NAV2: variants seen among roughly 807,000 people sequenced by gnomAD.
The protein encoded by NAV2 is helicase, APC down-regulated 1.
NAV2 carries 54 observed loss-of-function variants against 223.2 expected under a neutral mutation model. The observed-to-expected ratio is 0.24, with a 90% CI of 0.19 to 0.30. The LOEUF is 0.30. Among genes scored for constraint, NAV2 ranks in the 10% least tolerant of loss-of-function variants. The pLI is 1.00. For synonymous variants in NAV2, 1,279 were observed against 1,239.3 expected (o/e 1.03, Z -0.67); for missense variants, 2,806 against 3,147.5 (o/e 0.89, Z 2.60).
chr11:19,440,162 G>A (rs577968517), intron 1 of NAV2, among the ~76,000 whole-genome samples: 1 of 152,332 alleles, frequency 6.6e-6, no homozygotes, highest in African/African-American at 2.4e-5. Flanking sequence ...TGGTATACCA[G>A]ATGGACGTGG....
chr11:19,395,691 C>T (rs1452250648), intron 1 of NAV2, among the ~76,000 whole-genome samples: 1 of 152,194 alleles, frequency 6.6e-6, no homozygotes, highest in African/African-American at 2.4e-5. Flanking sequence ...GCAAACCAAG[C>T]ACACTGATGG....
intron 1 of NAV2, among the ~76,000 whole-genome samples, chr11:19,612,116 G>C (rs1457555545): frequency 6.6e-6 from 1 of 152,210 alleles, no homozygotes; most frequent in African/African-American, 2.4e-5. Context: ...CTGAAGCCAT[G>C]GCCCAAGCTC....
intron 35 of NAV2, among the ~76,000 whole-genome samples, chr11:20,106,142 T>G: frequency 2.8e-5 from 1 of 36,042 alleles, no homozygotes; most frequent in East Asian, 1.7e-3. Context: ...TCCTTGTTCA[T>G]ATGTGTGTGT....
Position 20,009,333 on chromosome 11 carries a change from G to C in NAV2, c.2768+25086G>C, listed in dbSNP as rs143850753. Among the ~76,000 whole-genome samples, 578 of 152,242 alleles carry C rather than the reference G, an allele frequency of 3.8e-3. 3 individuals are homozygous for C. Among genetic ancestry groups the C allele is most frequent in the African/African-American group, 0.013 (555 of 41,540 alleles). ...TTCAGTTTACTAGATAACCAACCCT[G>C]TATAAAATTTGAGATTTGATTATCC... On this transcript the variant is annotated intron_variant, in intron 11 of 37. Coordinates refer to ENST00000349880, the MANE Select transcript of NAV2 (RefSeq NM_145117.5).
At chr11:19,468,984 T>G (rs1311889864) in intron 1 of NAV2, among the ~76,000 whole-genome samples, 1 of 152,170 alleles carries the variant, frequency 6.6e-6, no homozygotes, top group African/African-American at 2.4e-5. Flanking sequence ...ACTCATAGGA[T>G]TATCATGAGT....
chr11:19,489,652 C>A (rs561402558), intron 1 of NAV2, among the ~76,000 whole-genome samples: 1 of 152,310 alleles, frequency 6.6e-6, no homozygotes, highest in South Asian at 2.1e-4. Context: ...TCACCTGTGC[C>A]TGATTCTCAG....
intron 10 of NAV2, among the ~76,000 whole-genome samples, chr11:19,973,888 A>G (rs1375562001): frequency 3.9e-5 from 6 of 152,206 alleles, no homozygotes; most frequent in Non-Finnish European, 8.8e-5. Context: ...CTTGCCAGCC[A>G]TCTGAGTTTC....
At chr11:20,025,165 A>C (rs2054922715) in intron 11 of NAV2, among the ~76,000 whole-genome samples, 1 of 152,192 alleles carries the variant, frequency 6.6e-6, no homozygotes, top group African/African-American at 2.4e-5. Context: ...TCTAAGCTTC[A>C]GTTTCCACAT....
Position 19,933,859 on chromosome 11 carries a change from A to G in NAV2, c.1615A>G (p.Ile539Val). The change falls in exon 7 of 38, where the codon ATT (isoleucine) becomes GTT (valine). Residue 539 changes from isoleucine to valine, a missense_variant. By Grantham distance (29) the Ile-to-Val change is conservative. This residue lies in a region of NAV2 where 1,167 missense variants were observed against 1,180.5 expected (regional missense o/e 0.99). Transcript: ENST00000349880. The surrounding 1 kb of genome is among the most constrained non-coding windows in gnomAD (Gnocchi z 4.3). Reference sequence around the variant, plus strand: ...CGAGATGCCAAAAAAGTCCTCCAAGATTGCCAGCTTCATCCCCAAAGGGGG... The same window carrying G: ...CGAGATGCCAAAAAAGTCCTCCAAGGTTGCCAGCTTCATCCCCAAAGGGGG... The part of the protein sequence containing the change: ...VPEMPKKSSK[I>V]ASFIPKGGKL... 1 of 1,605,096 alleles carries G rather than the reference A, an allele frequency of 6.2e-7. No homozygotes were observed. Among genetic ancestry groups the G allele is most frequent in the African/African-American group, 1.3e-5 (1 of 74,138 alleles).
chr11:20,027,216 A>T, intron 11 of NAV2: 1 of 968,194 alleles, frequency 1.0e-6, no homozygotes, highest in Non-Finnish European at 1.2e-6. Flanking sequence ...GTAGGTAGCC[A>T]AACCCTTTCT....
Position 19,973,907 on chromosome 11 carries a change from G to A in NAV2, c.2646-10218G>A, listed in dbSNP as rs576270135. The stretch of plus-strand genomic sequence containing the variant: ...CCAGCCATCTGAGTTTCCAACAGTC[G>A]GACTGTCCTGAGGCCGGTAGGCATT... On this transcript the variant is annotated intron_variant, in intron 10 of 37. Transcript: ENST00000349880. Among the ~76,000 whole-genome samples, 15 of 152,262 alleles carry A rather than the reference G, an allele frequency of 9.9e-5. 1 individual carries two copies. Among genetic ancestry groups the A allele is most frequent in the African/African-American group, 2.9e-4 (12 of 41,538 alleles).
intron 11 of NAV2, among the ~76,000 whole-genome samples, chr11:20,003,363 G>A (rs2052743556): frequency 6.6e-6 from 1 of 152,320 alleles, no homozygotes; most frequent in Middle Eastern, 3.4e-3. Flanking sequence ...CTACCCTTAA[G>A]TTAGTTGATA....
At chr11:19,398,067 T>C (rs1590123342) in intron 1 of NAV2, among the ~76,000 whole-genome samples, 1 of 152,144 alleles carries the variant, frequency 6.6e-6, no homozygotes, top group South Asian at 2.1e-4. Context: ...CTTGCATTGC[T>C]ATAAAGAAAT....
chr11:19,576,894 C>T (rs1209284641), intron 1 of NAV2, among the ~76,000 whole-genome samples: 1 of 152,174 alleles, frequency 6.6e-6, no homozygotes, highest in Non-Finnish European at 1.5e-5. Context: ...GGGGTCCTTC[C>T]ATCTGGCTGT....
In NAV2 at chr11:19,394,157, G is replaced by A. The variant is rs991550599; in HGVS notation, c.75+43130G>A. ...ATTCCCATGGATTGCATCATAGCCA[G>A]GAAAGTCACTGAGTCTCCTTAACAT... is the stretch of plus-strand genomic sequence containing the variant. On this transcript the variant is annotated intron_variant, in intron 1 of 37. Coordinates refer to the NAV2 transcript ENST00000360655. Among the ~76,000 whole-genome samples, 11 of 152,226 alleles carry A rather than the reference G, an allele frequency of 7.2e-5. No individual in the cohort carries two copies. The South Asian group carries it at 1.0e-3, about 14-fold the overall frequency.
In NAV2 at chr11:19,676,567, G is replaced by A. The variant is rs757282569; in HGVS notation, c.76-155917G>A. ...ACCAGTTTCCTGTAGCTTGGTTTCC[G>A]GCCTTCCCTAGCTGTACAATAGTGC... On this transcript the variant is annotated intron_variant, in intron 1 of 37. Coordinates refer to the NAV2 transcript ENST00000360655. Among the ~76,000 whole-genome samples the A allele has an allele frequency of 1.7e-4, 26 of 152,206 alleles. No individual in the cohort carries two copies. In the Middle Eastern group the frequency reaches 0.01, roughly 60 times the overall value.
At chr11:19,727,645 C>G (rs539917928) in intron 1 of NAV2, among the ~76,000 whole-genome samples, 58 of 152,356 alleles carry the variant, frequency 3.8e-4, no homozygotes, top group African/African-American at 1.3e-3. Context: ...AAGAGTAGAG[C>G]AGAATAACTG....
chr11:19,559,027 G>T (rs2045003620), intron 1 of NAV2, among the ~76,000 whole-genome samples: 1 of 152,230 alleles, frequency 6.6e-6, no homozygotes, highest in Non-Finnish European at 1.5e-5. Context: ...ATAAGTCAAA[G>T]CAAGTTACAA....
intron 1 of NAV2, among the ~76,000 whole-genome samples, chr11:19,650,938 T>G (rs2047952767): frequency 6.6e-6 from 1 of 152,170 alleles, no homozygotes; most frequent in African/African-American, 2.4e-5. Context: ...TATATCTGAG[T>G]GCGCTGGTGG....
Sources: allele counts gnomAD v4.1 joint callset (sites outside exome capture counted in the v4.1 genomes callset), GRCh38; gene constraint gnomAD v4.1.1; regional missense constraint gnomAD v4.1.1; non-coding constraint Gnocchi (gnomAD v3.1); transcripts MANE v1.5; gene names NCBI Gene and HGNC (gene_info 2026-07-23, HGNC 2026-07-21).